The following VNN2 variants were observed in gnomAD, a reference collection of about 807,000 sequenced individuals.
VNN2 encodes pantetheine hydrolase VNN2.
Under a neutral mutation model 43.0 loss-of-function variants are expected in VNN2, and 43 were observed. That is an observed-to-expected ratio of 1.00 (90% CI 0.78 to 1.29). The LOEUF is 1.29. Ranked by LOEUF, VNN2 falls within the 50% of genes most tolerant of loss-of-function variation. VNN2 has a pLI of 0.00. For missense variants in VNN2, 652 were observed against 619.7 expected, an observed-to-expected ratio of 1.05 and a Z score of -0.55; for synonymous variants, 230 against 224.3, an observed-to-expected ratio of 1.03 and a Z score of -0.23.
chr6:132,752,318 C>T, intron 4 of VNN2, 143 bp downstream of exon 4: 1 of 937,096 alleles, frequency 1.1e-6, no homozygotes, highest in Non-Finnish European at 1.5e-6. Context: ...TAATCAAGTG[C>T]TAGCTTTTTT....
At position 132,751,004 on chromosome 6, in the gene VNN2, G is replaced by T. The variant is rs921908995; in HGVS notation, c.1200+141C>A. ...TACGTGCATAAATGCACGTGTGTGT[G>T]TGTGTGTTGTGTGTGTGTGTGTTGC... On this transcript the variant is annotated intron_variant, in intron 5 of 6. Transcript: ENST00000326499. 4.0e-5 allele frequency: 39 copies of T among 963,570 alleles called. 2 individuals are homozygous for T. The highest frequency in any genetic ancestry group is 2.2e-4 in the Admixed American group (9 of 40,310). The allele number at this position is 963,570 out of a possible 1,614,324, so 59.7% of individuals were successfully genotyped here.
At chr6:132,751,565 A>C (rs1266692825) in intron 4 of VNN2, 47 bp from the exon 5 acceptor site, 1 of 1,550,146 alleles carries the variant, frequency 6.5e-7, no homozygotes, top group East Asian at 2.3e-5. Context: ...ACACACAAAA[A>C]AACCAAAACT....
upstream of VNN2, chr6:132,758,027 C>A (rs1313967326): frequency 1.3e-3 from 96 of 71,936 alleles, 2 homozygotes; most frequent in Admixed American, 3.6e-3. Context: ...TCTTCTTCTT[C>A]TTCTTCTTCT....
intron 2 of VNN2, among the ~76,000 whole-genome samples, chr6:132,756,353 C>T (rs1288215160): frequency 6.6e-6 from 1 of 152,170 alleles, no homozygotes; most frequent in East Asian, 1.9e-4. Context: ...CCTCTTTTGA[C>T]CTTTCCAAAC....
Position 132,751,168 on chromosome 6 carries a change from G to C in VNN2, c.1177C>G (p.Arg393Gly). The change falls in exon 5 of 7, where the codon CGA (arginine) becomes GGA (glycine). Residue 393 changes from arginine to glycine, a missense_variant. Coordinates refer to ENST00000326499, the MANE Select transcript of VNN2 (RefSeq NM_004665.6). ...ACCTGCCAGTACTCTCTTCTCCTTC[G>C]GCCATGTAATCCTGTAAAAGCTCCT... ...VLGAFTGLHG[R>G]RRREYWQVCT... The C allele has an allele frequency of 1.2e-6, 2 of 1,604,228 alleles. 1 individual carries two copies. The highest frequency in any genetic ancestry group is 2.2e-5 in the South Asian group (2 of 89,652).
chr6:132,749,740 A>T lies in VNN2; in HGVS notation c.1326T>A (p.Pro442=). ...SGTFGTEYVF[P]EVLLTEIHLS... ...GATGAATTTCGGTAAGTAGCACTTC[A>T]GGAAAAACATACTCTGTTCCAAATG... is the stretch of plus-strand genomic sequence containing the variant. Residue 442 remains proline, a synonymous_variant, in exon 6 of 7, where the codon CCT becomes CCA. Transcript: ENST00000326499. 1.2e-6 allele frequency: 2 copies of T among 1,613,832 alleles called. No homozygotes were observed. The highest frequency in any genetic ancestry group is 1.7e-6 in the Non-Finnish European group (2 of 1,179,930).
upstream of VNN2, among the ~76,000 whole-genome samples, chr6:132,759,246 G>A (rs185221316): frequency 6.6e-6 from 1 of 151,768 alleles, no homozygotes; most frequent in Non-Finnish European, 1.5e-5. Context: ...AGACCAGCCT[G>A]GCCAACATAG....
upstream of VNN2, chr6:132,760,745 T>C (rs1402831784): frequency 6.6e-6 from 1 of 152,090 alleles, no homozygotes; most frequent in Non-Finnish European, 1.5e-5. Flanking sequence ...GCAGTAGAAG[T>C]GGGGACAATC....
In VNN2 at chr6:132,755,974, C is replaced by T. The variant is rs755364930; in HGVS notation, c.406G>A (p.Val136Ile). The T allele has an allele frequency of 6.2e-7, 1 of 1,614,182 alleles. No individual in the cohort carries two copies. The highest frequency in any genetic ancestry group is 1.1e-5 in the South Asian group (1 of 91,080). The change falls in exon 3 of 7, where the codon GTC (valine) becomes ATC (isoleucine). Residue 136 changes from valine to isoleucine, a missense_variant. Transcript: ENST00000326499. ...SCLAKDNSIY[V>I]LANLGDKKPC... ...TTTTTGTCCCCCAAATTTGCCAAGACATAGATAGAGTTGTCCTTGGCCAGG... is the reference window on the plus strand; with the variant it reads ...TTTTTGTCCCCCAAATTTGCCAAGATATAGATAGAGTTGTCCTTGGCCAGG...
At chr6:132,756,215 G>A (rs958181266) in intron 2 of VNN2, among the ~76,000 whole-genome samples, 180 bp from the exon 3 acceptor site, 3 of 152,038 alleles carry the variant, frequency 2.0e-5, no homozygotes, top group Non-Finnish European at 4.4e-5. Context: ...CTTCCCACAC[G>A]GTATCTATTG....
At chr6:132,755,739 CT>C (rs2114608037) in intron 3 of VNN2, 103 bp downstream of exon 3, 1 of 1,208,506 alleles carries the variant, frequency 8.3e-7, no homozygotes, top group Admixed American at 2.9e-5. Context: ...CAAAAAAACC[CT>C]CTAGTAATAT....
Position 132,755,849 on chromosome 6 carries a change from G to T in VNN2, c.531C>A (p.Tyr177Ter). The change falls in exon 3 of 7, where the codon TAC becomes TAA. Residue 177 changes from tyrosine to a stop codon, truncating the protein, a stop_gained. Transcript: ENST00000326499. LOFTEE classifies it high-confidence loss of function. Reference protein sequence around the residue: ...YNTEGKLVARYHKYHLYSEPQ... With the variant: ...YNTEGKLVAR The stretch of plus-strand genomic sequence containing the variant: ...GTCCGTCACTCTCTCTTACCTTATG[G>T]TAACGTGCCACGAGTTTTCCTTCTG... 6.2e-7 allele frequency: 1 copy of T among 1,611,098 alleles called. No individual in the cohort carries two copies. Among genetic ancestry groups the T allele is most frequent in the Non-Finnish European group, 8.5e-7 (1 of 1,178,264 alleles).
rs772028666 is a variant in VNN2, at chr6:132,752,694, G to A, written c.593C>T (p.Thr198Ile). The change falls in exon 4 of 7, where the codon ACT becomes ATT. Residue 198 changes from threonine to isoleucine, a missense_variant. Coordinates refer to ENST00000326499, the MANE Select transcript of VNN2 (RefSeq NM_004665.6). ...AAACCTTCCAAATGCGGTGTTGAAA[G>A]TCACCAACTCCGGCTTTTCAGGGAC... ...FNVPEKPELV[T>I]FNTAFGRFGI... is the part of the protein sequence containing the mutation. 2 of 1,614,158 alleles carry A rather than the reference G, an allele frequency of 1.2e-6. No individual in the cohort carries two copies. The highest frequency in any genetic ancestry group is 2.2e-5 in the South Asian group (2 of 91,086).
At chr6:132,746,045 A>G (rs183413257) in intron 6 of VNN2, among the ~76,000 whole-genome samples, 5 of 152,354 alleles carry the variant, frequency 3.3e-5, no homozygotes, top group Admixed American at 3.3e-4. Flanking sequence ...ATGCATTATC[A>G]TATTTGATCC....
upstream of VNN2, among the ~76,000 whole-genome samples, chr6:132,760,180 G>GT (rs887272391): frequency 1.3e-5 from 2 of 151,902 alleles, no homozygotes; most frequent in South Asian, 4.2e-4. Context: ...TTTGTTTTTT[G>GT]TTTTTTTGTT....
chr6:132,759,938 G>A (rs762547409), upstream of VNN2, among the ~76,000 whole-genome samples: 2 of 152,040 alleles, frequency 1.3e-5, no homozygotes, highest in Non-Finnish European at 2.9e-5. Flanking sequence ...ATAGGTGATT[G>A]GTATATAATA....
At chr6:132,757,923 C>T (rs1780588613), upstream of VNN2, 3 of 1,567,742 alleles carry the variant, frequency 1.9e-6, no homozygotes, top group Non-Finnish European at 2.6e-6. Flanking sequence ...AAATAACATT[C>T]ATGTAGTATT....
At chr6:132,757,978 G>GGCA, upstream of VNN2, 2 of 801,888 alleles carry the variant, frequency 2.5e-6, no homozygotes, top group Non-Finnish European at 3.5e-6. Context: ...GCCAGTTACT[G>GGCA]GCCTTTTACT....
chr6:132,749,923 G>C, intron 5 of VNN2, 58 bp from the exon 6 acceptor site: 1 of 1,474,742 alleles, frequency 6.8e-7, no homozygotes, highest in Non-Finnish European at 9.1e-7. Flanking sequence ...ACTCATACCA[G>C]AAATGTTGCC....
Sources: gnomAD v4.1 joint callset for allele counts (sites outside exome capture counted in the v4.1 genomes callset) on GRCh38, gnomAD v4.1.1 for gene constraint, MANE v1.5 for transcripts, NCBI Gene and HGNC (gene_info 2026-07-23, HGNC 2026-07-21) for gene names.